The following PRKCZ variants were observed in gnomAD, a reference collection of about 807,000 sequenced individuals.
PRKCZ encodes the protein protein kinase C zeta type.
Under a neutral mutation model 79.5 loss-of-function variants are expected in PRKCZ, and 33 were observed. The ratio of observed to expected loss-of-function variants is 0.41; its 90% CI spans 0.31 to 0.55. The LOEUF is 0.55. PRKCZ is among the 20% of genes least tolerant of loss of function. The pLI is 0.19. For synonymous variants in PRKCZ, 342 were observed against 320.9 expected (o/e 1.07, Z -0.70); for missense variants, 578 against 813.5 (o/e 0.71, Z 3.52).
In PRKCZ at chr1:2,106,876, C is replaced by CGGTGGGCG. The variant is rs1557576058; in HGVS notation, c.335-28386_335-28385insGGTGGGCG. On this transcript the variant is annotated intron_variant, in intron 4 of 17. Coordinates refer to ENST00000378567, the MANE Select transcript of PRKCZ (RefSeq NM_002744.6). ...CAGGCGACTCTTCAGCAAGCCCCTC[C>CGGTGGGCG]ACACGTGTCACCAGGCCAGGTGACT... 7.8e-5 allele frequency among the ~76,000 whole-genome samples: 10 copies of CGGTGGGCG among 127,586 alleles called. 1 individual carries two copies. The highest frequency in any genetic ancestry group is 2.6e-4 in the South Asian group (1 of 3,876). 83.7% of individuals were successfully genotyped at this position (127,586 alleles called of 152,430 possible).
At chr1:2,056,454 G>A (rs758370712) in intron 2 of PRKCZ, 30 bp from the exon 3 acceptor site, 4 of 1,600,542 alleles carry the variant, frequency 2.5e-6, no homozygotes, top group Middle Eastern at 1.8e-4. Flanking sequence ...GGCCTTCGGC[G>A]ACGTCAGCAC....
rs1452818990 is a variant in PRKCZ at position 2,128,860 on chromosome 1, G to T, written c.335-6402G>T. 6.6e-6 allele frequency among the ~76,000 whole-genome samples: 1 copy of T among 152,190 alleles called. No individual in the cohort carries two copies. The highest frequency in any genetic ancestry group is 1.5e-5 in the Non-Finnish European group (1 of 68,026). On this transcript the variant is annotated intron_variant, in intron 4 of 17. Coordinates refer to ENST00000378567, the MANE Select transcript of PRKCZ (RefSeq NM_002744.6). This position sits in a 1 kb window ranked among gnomAD's most constrained non-coding sequence, Gnocchi z 6.5. ...CCCTGTTCCACAGAGGTAGCCGGGG[G>T]ACTCGCGGTGCCAGGCCCACAGCCT...
At position 2,173,961 on chromosome 1, in the gene PRKCZ, G is replaced by A. The variant is rs776780630; in HGVS notation, c.1350G>A (p.Pro450=). 9.9e-6 allele frequency: 16 copies of A among 1,612,562 alleles called. No individual in the cohort carries two copies. The highest frequency in any genetic ancestry group is 3.3e-5 in the South Asian group (3 of 90,732). The change falls in exon 14 of 18, where the codon CCG becomes CCA. Residue 450 remains proline, a synonymous_variant. Coordinates refer to ENST00000378567, the MANE Select transcript of PRKCZ (RefSeq NM_002744.6). This position sits in a 1 kb window ranked among gnomAD's most constrained non-coding sequence, Gnocchi z 5.7. ...LMFEMMAGRS[P]FDIITDNPDM... is the part of the protein sequence containing the mutation. ...TTGAGATGATGGCCGGGCGCTCCCC[G>A]TTCGACATCATCACCGACAACCCGG...
intron 1 of PRKCZ, among the ~76,000 whole-genome samples, chr1:2,053,601 C>G (rs780216406): frequency 6.6e-6 from 1 of 152,200 alleles, no homozygotes; most frequent in South Asian, 2.1e-4. Context: ...CCTGACACTT[C>G]CCAAGCCCTG....
intron 4 of PRKCZ, among the ~76,000 whole-genome samples, chr1:2,088,187 G>A (rs1305268489): frequency 2.6e-5 from 4 of 152,092 alleles, no homozygotes; most frequent in Non-Finnish European, 4.4e-5. Flanking sequence ...CCCAGACTCC[G>A]CCTCCCTCAT....
At position 2,086,646 on chromosome 1, in the gene PRKCZ, C is replaced by G. The variant is rs190880471; in HGVS notation, c.334+27055C>G. Among the ~76,000 whole-genome samples, 11 of 152,318 alleles carry G rather than the reference C, an allele frequency of 7.2e-5. 1 individual carries two copies. In the East Asian group the frequency reaches 1.4e-3, roughly 19 times the overall value. Reference sequence around the variant, plus strand: ...GAGGAGGGTGGACTTCAGAAACTAACCTGCCTGCTGCTCCTGGGGGCCGTG... The same window carrying G: ...GAGGAGGGTGGACTTCAGAAACTAAGCTGCCTGCTGCTCCTGGGGGCCGTG... On this transcript the variant is annotated intron_variant, in intron 4 of 17. Coordinates refer to ENST00000378567, the MANE Select transcript of PRKCZ (RefSeq NM_002744.6).
rs139452086 is a variant in PRKCZ at position 2,080,478 on chromosome 1, C to T, written c.334+20887C>T. On this transcript the variant is annotated intron_variant, in intron 4 of 17. Transcript: ENST00000378567. ...TTTTTCCTTGATGCTGCCCCCCGTG[C>T]GACCTGGGGGCAGTTTTCAAATGCT... Among the ~76,000 whole-genome samples, 75 of 152,236 alleles carry T rather than the reference C, an allele frequency of 4.9e-4. 1 individual carries two copies. Among genetic ancestry groups the T allele is most frequent in the Admixed American group, 3.2e-3 (49 of 15,290 alleles).
chr1:2,092,744 C>T (rs558965941), intron 4 of PRKCZ, among the ~76,000 whole-genome samples: 3 of 152,066 alleles, frequency 2.0e-5, no homozygotes, highest in Admixed American at 6.5e-5. Flanking sequence ...ATGGTGTATC[C>T]GAGGCAGCTG....
intron 1 of PRKCZ, 80 bp from the exon 2 acceptor site, chr1:2,055,361 T>G: frequency 2.0e-6 from 3 of 1,476,684 alleles, no homozygotes; most frequent in Non-Finnish European, 1.8e-6. Context: ...TAATCAATGA[T>G]TTGGTTAGTT....
chr1:2,087,738 G>A (rs1159828114), intron 4 of PRKCZ, among the ~76,000 whole-genome samples: 1 of 152,146 alleles, frequency 6.6e-6, no homozygotes, highest in African/African-American at 2.4e-5. Context: ...TTTGGTGGGG[G>A]TGGCGGGGGA....
At chr1:2,078,966 C>T (rs1249986293) in intron 4 of PRKCZ, among the ~76,000 whole-genome samples, 4 of 152,060 alleles carry the variant, frequency 2.6e-5, no homozygotes, top group Non-Finnish European at 5.9e-5. Context: ...CCTCAGCCTC[C>T]TGAGTAGCTG....
chr1:2,137,218 A>G (rs1198599845), intron 5 of PRKCZ, among the ~76,000 whole-genome samples: 1 of 152,170 alleles, frequency 6.6e-6, no homozygotes, highest in Non-Finnish European at 1.5e-5. Context: ...AGCATCCAGC[A>G]TGGGAGAAAG....
At chr1:2,103,970 C>T (rs1172471570) in intron 4 of PRKCZ, among the ~76,000 whole-genome samples, 2 of 152,204 alleles carry the variant, frequency 1.3e-5, no homozygotes, top group East Asian at 3.8e-4. Flanking sequence ...GGGATGGACC[C>T]CTGCCCAACA....
rs913435859 is a variant in PRKCZ at position 2,125,909 on chromosome 1, A to G, written c.335-9353A>G. On this transcript the variant is annotated intron_variant, in intron 4 of 17. Coordinates refer to ENST00000378567, the MANE Select transcript of PRKCZ (RefSeq NM_002744.6). This position sits in a 1 kb window ranked among gnomAD's most constrained non-coding sequence, Gnocchi z 4.2. The stretch of plus-strand genomic sequence containing the variant: ...ACATGCAGCACTTCCCTTCCTTTCC[A>G]TGGAGCACGGTTCCTGTCCCGGGGG... Among the ~76,000 whole-genome samples, 10 of 151,658 alleles carry G rather than the reference A, an allele frequency of 6.6e-5. No homozygotes were observed. Among genetic ancestry groups the G allele is most frequent in the South Asian group, 2.1e-4 (1 of 4,794 alleles).
intron 4 of PRKCZ, among the ~76,000 whole-genome samples, chr1:2,099,033 G>A (rs1009783794): frequency 6.6e-6 from 1 of 151,310 alleles, no homozygotes; most frequent in East Asian, 1.9e-4. Context: ...CGTTGTCTGT[G>A]CTGTGACTTC....
chr1:2,151,031 G>A, intron 9 of PRKCZ, 53 bp downstream of exon 9: 3 of 1,591,084 alleles, frequency 1.9e-6, no homozygotes, highest in Non-Finnish European at 2.6e-6. Context: ...CTGCCCTGGG[G>A]CCTCCTCCGG....
intron 4 of PRKCZ, among the ~76,000 whole-genome samples, chr1:2,119,403 C>T (rs530545778): frequency 6.6e-6 from 1 of 151,960 alleles, no homozygotes; most frequent in African/African-American, 2.4e-5. Flanking sequence ...TTAGTAGAGG[C>T]AGGGTTTCAC....
intron 4 of PRKCZ, among the ~76,000 whole-genome samples, chr1:2,073,211 G>A (rs970659806): frequency 2.0e-5 from 3 of 152,150 alleles, no homozygotes; most frequent in African/African-American, 7.2e-5. Context: ...ACAGTTTTCA[G>A]CCTGGGGAAG....
Position 2,149,323 on chromosome 1 carries a change from A to G in PRKCZ, c.687+399A>G, listed in dbSNP as rs368291271. 2.5e-4 allele frequency among the ~76,000 whole-genome samples: 38 copies of G among 152,272 alleles called. No homozygotes were observed. The highest frequency in any genetic ancestry group is 8.4e-4 in the African/African-American group (35 of 41,572). On this transcript the variant is annotated intron_variant, in intron 8 of 17. Coordinates refer to ENST00000378567, the MANE Select transcript of PRKCZ (RefSeq NM_002744.6). This position sits in a 1 kb window ranked among gnomAD's most constrained non-coding sequence, Gnocchi z 4.1. ...CTGGCAAACCCTCTGAAGCCCTTTCATGTCCTTCCCCAACTTGAGCCAAGA... is the reference window on the plus strand; with the variant it reads ...CTGGCAAACCCTCTGAAGCCCTTTCGTGTCCTTCCCCAACTTGAGCCAAGA...
Sources: gnomAD v4.1 joint callset for allele counts (sites outside exome capture counted in the v4.1 genomes callset) on GRCh38, gnomAD v4.1.1 for gene constraint, Gnocchi (gnomAD v3.1) non-coding constraint, MANE v1.5 for transcripts, NCBI Gene and HGNC (gene_info 2026-07-23, HGNC 2026-07-21) for gene names.